Variants in TPRG1L observed in about 807,000 individuals in gnomAD.
The protein encoded by TPRG1L is tumor protein p63-regulated gene 1-like protein.
TPRG1L carries 25 observed loss-of-function variants against 29.4 expected under a neutral mutation model. The observed-to-expected ratio is 0.85, with a 90% CI of 0.62 to 1.19. The LOEUF is 1.19. Among genes scored for constraint, TPRG1L ranks in the 50% most tolerant of loss-of-function variants. TPRG1L has a pLI of 0.00. For missense variants in TPRG1L, 354 were observed against 364.4 expected (o/e 0.97, Z 0.23); for synonymous variants, 182 against 151.1 (o/e 1.20, Z -1.50).
At chr1:3,627,253 C>T (rs186374303) in intron 3 of TPRG1L, among the ~76,000 whole-genome samples, 2 of 152,098 alleles carry the variant, frequency 1.3e-5, no homozygotes, top group East Asian at 1.9e-4. Context: ...GAGGATGCAG[C>T]GAGCCAACAT....
chr1:3,627,373 C>A, intron 3 of TPRG1L, 127 bp from the exon 4 acceptor site: 1 of 1,009,148 alleles, frequency 9.9e-7, no homozygotes, highest in Non-Finnish European at 1.5e-6. Context: ...TGTGATATGT[C>A]ATAGGTCTTT....
Position 3,628,659 on chromosome 1 carries a change from G to A in TPRG1L, c.*56G>A. 1 of 1,454,090 alleles carries A rather than the reference G, an allele frequency of 6.9e-7. No homozygotes were observed. The highest frequency in any genetic ancestry group is 9.3e-7 in the Non-Finnish European group (1 of 1,078,012). The allele number at this position is 1,454,090 out of a possible 1,614,324, so 90.1% of individuals were successfully genotyped here. ...TGGGAGCTCCTCCCCCTCCCCAGAAGGCCAAGGGATGTGGGGGCTGGGGGA... is the reference window on the plus strand; with the variant it reads ...TGGGAGCTCCTCCCCCTCCCCAGAAAGCCAAGGGATGTGGGGGCTGGGGGA... On this transcript the variant is annotated 3_prime_UTR_variant, in exon 5 of 5. Transcript: ENST00000378344.
Position 3,628,638 on chromosome 1 carries a change from AGCTCC to A in TPRG1L, c.*36_*40del. The A allele has an allele frequency of 6.7e-7, 1 of 1,500,588 alleles. No homozygotes were observed. The highest frequency in any genetic ancestry group is 9.0e-7 in the Non-Finnish European group (1 of 1,110,282). 93.0% of individuals were successfully genotyped at this position (1,500,588 alleles called of 1,614,324 possible). Reference sequence around the variant, plus strand: ...TCTGGGAGCTCCTCCCCCTTCTGGGAGCTCCTCCCCCTCCCCAGAAGGCCAAGGGA... The same window carrying A: ...TCTGGGAGCTCCTCCCCCTTCTGGGATCCCCCTCCCCAGAAGGCCAAGGGA... On this transcript the variant is annotated 3_prime_UTR_variant, in exon 5 of 5. Transcript: ENST00000378344.
chr1:3,625,631 G>A, intron 2 of TPRG1L, 82 bp from the exon 3 acceptor site: 1 of 1,568,842 alleles, frequency 6.4e-7, no homozygotes. Flanking sequence ...TGCCGCCCCT[G>A]CTGCCCTTCC....
In TPRG1L at chr1:3,629,574, AAGC is replaced by A. The variant is rs1447740270; in HGVS notation, c.*975_*977del. The A allele has an allele frequency of 6.6e-6, 1 of 152,228 alleles. No individual in the cohort carries two copies. Among genetic ancestry groups the A allele is most frequent in the South Asian group, 2.1e-4 (1 of 4,832 alleles). The allele number at this position is 152,228 out of a possible 1,614,324, so 9.4% of individuals were successfully genotyped here. ...AACCCGTCTCTACCAAACAGACAAAAAGCAGCCAGGCGTGGTGGCACATCTGTG... is the reference window on the plus strand; with the variant it reads ...AACCCGTCTCTACCAAACAGACAAAAAGCCAGGCGTGGTGGCACATCTGTG... On this transcript the variant is annotated 3_prime_UTR_variant, in exon 5 of 5. Transcript: ENST00000378344.
Position 3,629,561 on chromosome 1 carries a change from CCAAA to C in TPRG1L, c.*961_*964del, listed in dbSNP as rs71813640. 0.2 allele frequency: 30,527 copies of C among 152,104 alleles called. 3,476 individuals are homozygous for C. Among genetic ancestry groups the C allele is most frequent in the East Asian group, 0.34 (1,748 of 5,142 alleles). 9.4% of individuals were successfully genotyped at this position (152,104 alleles called of 1,614,324 possible). ...GGCAACATGGTGAAACCCGTCTCTA[CCAAA>C]CAGACAAAAAGCAGCCAGGCGTGGT... is the stretch of plus-strand genomic sequence containing the variant. On this transcript the variant is annotated 3_prime_UTR_variant, in exon 5 of 5. Transcript: ENST00000378344.
Position 3,625,345 on chromosome 1 carries a change from C to T in TPRG1L, c.201+72C>T. 9 of 1,530,276 alleles carry T rather than the reference C, an allele frequency of 5.9e-6. No individual in the cohort carries two copies. The South Asian group carries it at 8.4e-5, about 14-fold the overall frequency. The allele number at this position is 1,530,276 out of a possible 1,614,324, so 94.8% of individuals were successfully genotyped here. ...GGATGGGGGCGGGTGGGGTCGGAGG[C>T]GGGCGCCGGGCGGTCCCGCAGGGAG... On this transcript the variant is annotated intron_variant, in intron 1 of 4. Coordinates refer to ENST00000378344, the MANE Select transcript of TPRG1L (RefSeq NM_182752.4).
rs1279738151 is a variant in TPRG1L, at chr1:3,625,459, C to T, written c.237C>T (p.Arg79=). 3.1e-6 allele frequency: 5 copies of T among 1,606,970 alleles called. No individual in the cohort carries two copies. Among genetic ancestry groups the T allele is most frequent in the Non-Finnish European group, 4.2e-6 (5 of 1,177,790 alleles). The change falls in exon 2 of 5, where the codon CGC becomes CGT. Residue 79 remains arginine (R), a synonymous_variant. Coordinates refer to ENST00000378344, the MANE Select transcript of TPRG1L (RefSeq NM_182752.4). ...TCGAGCAGGCAGTGGAGGAGATCCG[C>T]GTGGTGGTGCGGCCCGTGGAGGACG... ...GSIEQAVEEI[R]VVVRPVEDGE... is the part of the protein sequence containing the mutation.
chr1:3,625,630 T>C, intron 2 of TPRG1L, 83 bp from the exon 3 acceptor site: 1 of 1,568,474 alleles, frequency 6.4e-7, no homozygotes, highest in Non-Finnish European at 8.7e-7. Context: ...GTGCCGCCCC[T>C]GCTGCCCTTC....
chr1:3,626,722 G>A (rs974384360), intron 3 of TPRG1L, among the ~76,000 whole-genome samples: 1 of 151,670 alleles, frequency 6.6e-6, no homozygotes, highest in African/African-American at 2.4e-5. Flanking sequence ...AGGACTACAG[G>A]TGCCCGCCAC....
chr1:3,625,259 T>C lies in TPRG1L; in HGVS notation c.187T>C (p.Tyr63His). The C allele has an allele frequency of 7.2e-7, 1 of 1,382,422 alleles. No individual in the cohort carries two copies. Among genetic ancestry groups the C allele is most frequent in the Non-Finnish European group, 9.3e-7 (1 of 1,076,666 alleles). The allele number at this position is 1,382,422 out of a possible 1,614,324, so 85.6% of individuals were successfully genotyped here. ...DPTRRARVKE[Y>H]FVFRPGSIEQ... ...CACGCGCCGCGCCCGCGTCAAGGAG[T>C]ACTTCGTGTTCCGGGTGAGGCAGGG... is the stretch of plus-strand genomic sequence containing the variant. The change falls in exon 1 of 5, where the codon TAC (tyrosine) becomes CAC (histidine). Residue 63 changes from tyrosine (Y) to histidine (H), a missense_variant. Transcript: ENST00000378344.
At chr1:3,625,546 G>T (rs1397106094) in intron 2 of TPRG1L, 31 bp downstream of exon 2, 2 of 1,587,916 alleles carry the variant, frequency 1.3e-6, no homozygotes, top group South Asian at 2.3e-5. Flanking sequence ...CCTTGGTGGG[G>T]GGACTCGCCC....
rs531249334 is a variant in TPRG1L, at chr1:3,628,625, T to A, written c.*22T>A. ...TTAGCCGCTGCGTTCTGGGAGCTCC[T>A]CCCCCTTCTGGGAGCTCCTCCCCCT... On this transcript the variant is annotated 3_prime_UTR_variant, in exon 5 of 5. Coordinates refer to ENST00000378344, the MANE Select transcript of TPRG1L (RefSeq NM_182752.4). 75 of 42,392 alleles carry A rather than the reference T, an allele frequency of 1.8e-3. No homozygotes were observed. In the African/African-American group the frequency reaches 0.047, roughly 27 times the overall value. 2.6% of individuals were successfully genotyped at this position (42,392 alleles called of 1,614,324 possible). A position where few individuals can be genotyped will look rare whatever the true frequency, so the allele number is the denominator to read the frequency against.
At chr1:3,628,308 AT>A (rs1644503071) in intron 4 of TPRG1L, 100 bp from the exon 5 acceptor site, 2 of 1,046,806 alleles carry the variant, frequency 1.9e-6, no homozygotes, top group East Asian at 4.9e-5. Flanking sequence ...GATAGGCGGC[AT>A]TTGGAGGGAT....
chr1:3,628,558 G>T lies in TPRG1L; in HGVS notation c.774G>T (p.Glu258Asp), dbSNP rs769383303. 50 of 1,612,632 alleles carry T rather than the reference G, an allele frequency of 3.1e-5. 1 individual carries two copies. The highest frequency in any genetic ancestry group is 3.8e-5 in the Non-Finnish European group (45 of 1,179,334). ...GACTCATGTCCTTCATTAACAACGAGGCGAAACTGGGCTACTCCATGACCA... is the reference window on the plus strand; with the variant it reads ...GACTCATGTCCTTCATTAACAACGATGCGAAACTGGGCTACTCCATGACCA... ...YVGLMSFINNEAKLGYSMTRG... is the reference protein window; with the variant it reads ...YVGLMSFINNDAKLGYSMTRG... Residue 258 changes from glutamate to aspartate, a missense_variant, in exon 5 of 5, where the codon GAG becomes GAT. By Grantham distance (45) the Glu-to-Asp change is conservative (BLOSUM62 2). Coordinates refer to ENST00000378344, the MANE Select transcript of TPRG1L (RefSeq NM_182752.4).
rs182954137 is a variant in TPRG1L at position 3,627,688 on chromosome 1, C to T, written c.624+35C>T. On this transcript the variant is annotated intron_variant, in intron 4 of 4. Coordinates refer to ENST00000378344, the MANE Select transcript of TPRG1L (RefSeq NM_182752.4). ...CAGGCACATAAATAGCCGCGCCCCCCGCAGTGATGGAAACACCCCCCGCAG... is the reference window on the plus strand; with the variant it reads ...CAGGCACATAAATAGCCGCGCCCCCTGCAGTGATGGAAACACCCCCCGCAG... 240 of 1,610,022 alleles carry T rather than the reference C, an allele frequency of 1.5e-4. No homozygotes were observed. In the African/African-American group the frequency reaches 2.9e-3, roughly 20 times the overall value.
At chr1:3,627,254 G>A (rs1644496730) in intron 3 of TPRG1L, among the ~76,000 whole-genome samples, 1 of 152,150 alleles carries the variant, frequency 6.6e-6, no homozygotes, top group Non-Finnish European at 1.5e-5. Context: ...AGGATGCAGC[G>A]AGCCAACATC....
At position 3,628,829 on chromosome 1, in the gene TPRG1L, A is replaced by G. The variant is rs983902327; in HGVS notation, c.*226A>G. On this transcript the variant is annotated 3_prime_UTR_variant, in exon 5 of 5. Coordinates refer to ENST00000378344, the MANE Select transcript of TPRG1L (RefSeq NM_182752.4). ...ATTGGACTCTGCTCATATAAGCTACAGACAAAAGCCAAAAGACTCTCGCTG... is the reference window on the plus strand; with the variant it reads ...ATTGGACTCTGCTCATATAAGCTACGGACAAAAGCCAAAAGACTCTCGCTG... 2.4e-6 allele frequency: 1 copy of G among 424,854 alleles called. No individual in the cohort carries two copies. The highest frequency in any genetic ancestry group is 2.0e-5 in the African/African-American group (1 of 50,022). 26.3% of individuals were successfully genotyped at this position (424,854 alleles called of 1,614,324 possible).
At position 3,628,560 on chromosome 1, in the gene TPRG1L, C is replaced by A. The variant is rs768388046; in HGVS notation, c.776C>A (p.Ala259Glu). The A allele has an allele frequency of 6.2e-7, 1 of 1,612,564 alleles. No individual in the cohort carries two copies. The highest frequency in any genetic ancestry group is 8.5e-7 in the Non-Finnish European group (1 of 1,179,268). The change falls in exon 5 of 5, where the codon GCG (alanine) becomes GAG (glutamate). Residue 259 changes from alanine to glutamate, a missense_variant. Ala to Glu is a moderately radical substitution (Grantham distance 107). Coordinates refer to ENST00000378344, the MANE Select transcript of TPRG1L (RefSeq NM_182752.4). ...VGLMSFINNE[A>E]KLGYSMTRGK... is the part of the protein sequence containing the mutation. ...CTCATGTCCTTCATTAACAACGAGG[C>A]GAAACTGGGCTACTCCATGACCAGG...
Sources: allele counts gnomAD v4.1 joint callset (sites outside exome capture counted in the v4.1 genomes callset), GRCh38; gene constraint gnomAD v4.1.1; transcripts MANE v1.5; gene names NCBI Gene and HGNC (gene_info 2026-07-23, HGNC 2026-07-21).